The following PPME1 variants were observed in gnomAD, a reference collection of about 807,000 sequenced individuals.
PPME1 encodes the protein protein phosphatase methylesterase 1.
A neutral mutation model predicts 56.9 loss-of-function variants in PPME1; 17 were observed. The ratio of observed to expected loss-of-function variants is 0.30; its 90% CI spans 0.20 to 0.45. The LOEUF is 0.45. Ranked by LOEUF, PPME1 falls within the 20% of genes least tolerant of loss-of-function variation. The probability of loss-of-function intolerance (pLI) is 1.00; values close to 1 mark genes in which losing one functional copy is unlikely to be tolerated. For missense variants in PPME1, 357 were observed against 483.2 expected (o/e 0.74, Z 2.45); for synonymous variants, 122 against 156.2 (o/e 0.78, Z 1.63).
intron 1 of PPME1, among the ~76,000 whole-genome samples, chr11:74,181,757 C>G (rs1157025148): frequency 6.6e-6 from 1 of 152,152 alleles, no homozygotes; most frequent in Non-Finnish European, 1.5e-5. Context: ...TGTCATTTTA[C>G]CAGGAATCAG....
intron 5 of PPME1, among the ~76,000 whole-genome samples, chr11:74,228,228 C>T (rs1858978838): frequency 6.7e-6 from 1 of 149,394 alleles, no homozygotes; most frequent in Admixed American, 6.7e-5. Flanking sequence ...TTTTTCTGGT[C>T]TGTTATTTTA....
intron 1 of PPME1, among the ~76,000 whole-genome samples, chr11:74,176,544 A>G (rs777740148): frequency 2.8e-4 from 43 of 151,946 alleles, no homozygotes; most frequent in Non-Finnish European, 5.0e-4. Context: ...ACTCAGTTGT[A>G]CAATTACCAC....
chr11:74,171,956 CAG>C (rs1857253573), intron 1 of PPME1, among the ~76,000 whole-genome samples: 1 of 152,060 alleles, frequency 6.6e-6, no homozygotes, highest in Admixed American at 6.5e-5. Flanking sequence ...TAGATATTAT[CAG>C]AGTTCTAATA....
At chr11:74,214,280 A>G (rs1213832240) in intron 3 of PPME1, among the ~76,000 whole-genome samples, 1 of 152,206 alleles carries the variant, frequency 6.6e-6, no homozygotes, top group African/African-American at 2.4e-5. Flanking sequence ...GAATATACAC[A>G]AAGGAGACAA....
At chr11:74,198,809 G>A (rs1290677588) in intron 1 of PPME1, 2 of 152,080 alleles carry the variant, frequency 1.3e-5, no homozygotes, top group Non-Finnish European at 2.9e-5. Flanking sequence ...CTTAGCTTCC[G>A]AGATCAGATG....
rs533972818 is a variant in PPME1, at chr11:74,197,921, C to T, written c.102-5807C>T. 1.6e-4 allele frequency among the ~76,000 whole-genome samples: 24 copies of T among 152,312 alleles called. No individual in the cohort carries two copies. The South Asian group carries it at 5.0e-3, about 32-fold the overall frequency. Reference sequence around the variant, plus strand: ...GATAATAGCAAAAGATCCATAAACACATTTGATTCATGTGACTCAGGCAGA... The same window carrying T: ...GATAATAGCAAAAGATCCATAAACATATTTGATTCATGTGACTCAGGCAGA... On this transcript the variant is annotated intron_variant, in intron 1 of 13. Transcript: ENST00000328257.
At chr11:74,214,986 A>G (rs1858590185) in intron 3 of PPME1, among the ~76,000 whole-genome samples, 3 of 152,216 alleles carry the variant, frequency 2.0e-5, no homozygotes, top group Admixed American at 2.0e-4. Context: ...AGAGGAACCA[A>G]TCAAAAATAT....
intron 1 of PPME1, among the ~76,000 whole-genome samples, chr11:74,175,907 C>T (rs912380173): frequency 9.9e-5 from 15 of 152,096 alleles, no homozygotes; most frequent in African/African-American, 3.4e-4. Flanking sequence ...TATTTTTAGT[C>T]CATTGTTCTT....
intron 1 of PPME1, among the ~76,000 whole-genome samples, chr11:74,192,838 C>A (rs1390799233): frequency 6.6e-6 from 1 of 152,216 alleles, no homozygotes; most frequent in Non-Finnish European, 1.5e-5. Context: ...TTACCAGGAA[C>A]AGATGCTGGT....
At chr11:74,179,662 C>T (rs1857481909) in intron 1 of PPME1, among the ~76,000 whole-genome samples, 1 of 152,174 alleles carries the variant, frequency 6.6e-6, no homozygotes, top group Admixed American at 6.5e-5. Flanking sequence ...TGTTTCCTTT[C>T]ATAAAGTAAG....
At chr11:74,208,832 A>G (rs760112945) in intron 3 of PPME1, among the ~76,000 whole-genome samples, 2 of 152,226 alleles carry the variant, frequency 1.3e-5, no homozygotes, top group African/African-American at 4.8e-5. Context: ...TAGAAGTTGG[A>G]TTAGTAGGGA....
chr11:74,243,253 T>C (rs187251455), intron 9 of PPME1: 5 of 152,298 alleles, frequency 3.3e-5, no homozygotes, highest in African/African-American at 9.6e-5. Flanking sequence ...AAAGGATTTA[T>C]TTCCAATAAC....
chr11:74,204,220 A>AT, intron 2 of PPME1, 133 bp from the exon 3 acceptor site: 1 of 629,960 alleles, frequency 1.6e-6, no homozygotes, highest in Non-Finnish European at 2.7e-6. Context: ...GTGTCTCAGA[A>AT]AAGTCTGCTT....
At chr11:74,207,632 T>C (rs1354442814) in intron 3 of PPME1, among the ~76,000 whole-genome samples, 1 of 152,228 alleles carries the variant, frequency 6.6e-6, no homozygotes, top group African/African-American at 2.4e-5. Flanking sequence ...GTTTATCATA[T>C]ATAATGGGTA....
At chr11:74,192,246 C>A (rs1857859690) in intron 1 of PPME1, among the ~76,000 whole-genome samples, 1 of 152,216 alleles carries the variant, frequency 6.6e-6, no homozygotes, top group African/African-American at 2.4e-5. Context: ...TTCAGACTTT[C>A]ATAGGGCTTG....
chr11:74,177,805 T>C (rs895579432), intron 1 of PPME1, among the ~76,000 whole-genome samples: 3 of 152,228 alleles, frequency 2.0e-5, no homozygotes, highest in Non-Finnish European at 4.4e-5. Flanking sequence ...TATGGTATCT[T>C]TCAATTTGTA....
intron 1 of PPME1, among the ~76,000 whole-genome samples, chr11:74,180,394 A>T (rs180911008): frequency 1.6e-4 from 25 of 152,270 alleles, no homozygotes; most frequent in African/African-American, 6.0e-4. Flanking sequence ...GAGAAACCCA[A>T]ATCCTGGCCT....
rs1591068793 is a variant in PPME1, at chr11:74,246,217, T to C, written c.964+12T>C. On this transcript the variant is annotated intron_variant, in intron 10 of 13. Coordinates refer to ENST00000328257, the MANE Select transcript of PPME1 (RefSeq NM_016147.3). ...GCTGCTCTTGGCTGGTAAGTGTATATGTGCATATATTAGTCAGCTCAGGCT... is the reference window on the plus strand; with the variant it reads ...GCTGCTCTTGGCTGGTAAGTGTATACGTGCATATATTAGTCAGCTCAGGCT... 1 of 1,546,900 alleles carries C rather than the reference T, an allele frequency of 6.5e-7. No homozygotes were observed. The highest frequency in any genetic ancestry group is 8.7e-7 in the Non-Finnish European group (1 of 1,144,196).
Position 74,230,213 on chromosome 11 carries a change from C to T in PPME1, c.399-32C>T. 1 of 1,578,460 alleles carries T rather than the reference C, an allele frequency of 6.3e-7. No homozygotes were observed. The highest frequency in any genetic ancestry group is 8.6e-7 in the Non-Finnish European group (1 of 1,164,146). On this transcript the variant is annotated intron_variant, in intron 5 of 13. Coordinates refer to ENST00000328257, the MANE Select transcript of PPME1 (RefSeq NM_016147.3). The surrounding 1 kb of genome is among the most constrained non-coding windows in gnomAD (Gnocchi z 4.9). ...CCATTTTTACAGTGTTGTCAGAAAGCATTCTTAGATCTTTTTCTCTTCTCT... is the reference window on the plus strand; with the variant it reads ...CCATTTTTACAGTGTTGTCAGAAAGTATTCTTAGATCTTTTTCTCTTCTCT...
Sources: gnomAD v4.1 joint callset for allele counts (sites outside exome capture counted in the v4.1 genomes callset) on GRCh38, gnomAD v4.1.1 for gene constraint, Gnocchi (gnomAD v3.1) non-coding constraint, MANE v1.5 for transcripts, NCBI Gene and HGNC (gene_info 2026-07-23, HGNC 2026-07-21) for gene names.